LRFN2: variants seen among roughly 807,000 people sequenced by gnomAD.
The protein encoded by LRFN2 is leucine-rich repeat and fibronectin type-III domain-containing protein 2.
In LRFN2, 18 loss-of-function variants were observed where a neutral mutation model predicts 37.3. The observed-to-expected ratio is 0.48, with a 90% confidence interval of 0.33 to 0.72. The LOEUF is 0.72. Among genes scored for constraint, LRFN2 ranks in the 30% least tolerant of loss-of-function variants. LRFN2 has a pLI of 0.02. For synonymous variants in LRFN2, 556 were observed against 466.6 expected (o/e 1.19, Z -2.47); for missense variants, 1,006 against 1,060.7 (o/e 0.95, Z 0.72).
intron 2 of LRFN2, among the ~76,000 whole-genome samples, chr6:40,406,760 G>A (rs533845744): frequency 1.2e-4 from 19 of 152,318 alleles, no homozygotes; most frequent in Admixed American, 1.1e-3. Context: ...TGGACATGTT[G>A]TTGCTTCCCA....
At chr6:40,481,265 A>G (rs1764821591) in intron 1 of LRFN2, among the ~76,000 whole-genome samples, 1 of 152,104 alleles carries the variant, frequency 6.6e-6, no homozygotes, top group South Asian at 2.1e-4. Flanking sequence ...GTAAAACTCC[A>G]TCTCTACAAA....
intron 1 of LRFN2, among the ~76,000 whole-genome samples, chr6:40,577,729 C>T (rs1032379579): frequency 2.8e-5 from 4 of 142,944 alleles, no homozygotes; most frequent in Non-Finnish European, 4.5e-5. Context: ...TGATGATTTC[C>T]AATTTCAACA....
intron 2 of LRFN2, among the ~76,000 whole-genome samples, chr6:40,429,061 C>A (rs961696525): frequency 6.6e-6 from 1 of 152,186 alleles, no homozygotes; most frequent in Admixed American, 6.5e-5. Context: ...TGGAGGATTT[C>A]CACACTGTAT....
In LRFN2 at chr6:40,392,005, C is replaced by T. The variant is rs3734559; in HGVS notation, c.2308G>A (p.Asp770Asn). The change falls in exon 3 of 3, where the codon GAC becomes AAC. Residue 770 changes from aspartate (D) to asparagine (N), a missense_variant. Physicochemically the swap from Asp to Asn is conservative, Grantham distance 23 (BLOSUM62 1). This residue lies in a region of LRFN2 where 398 missense variants were observed against 327.6 expected (regional missense o/e 1.21). Transcript: ENST00000338305. This position sits in a 1 kb window ranked among gnomAD's most constrained non-coding sequence, Gnocchi z 4.7. ...AAAGTCCCCCGGGCCCCCACCAGGT[C>T]ACTCTCCTCAAAGGGCAAGAGCATG... is the stretch of plus-strand genomic sequence containing the variant. ...NGMLLPFEES[D>N]LVGARGTFGS... 9.8e-4 allele frequency: 1,577 copies of T among 1,610,268 alleles called. 31 individuals are homozygous for T. The East Asian group carries it at 0.023, about 24-fold the overall frequency.
At chr6:40,466,186 C>A (rs1374517980) in intron 1 of LRFN2, among the ~76,000 whole-genome samples, 6 of 152,156 alleles carry the variant, frequency 3.9e-5, no homozygotes, top group African/African-American at 1.4e-4. Flanking sequence ...TTTGCAGGTC[C>A]ATTCCCACCT....
intron 1 of LRFN2, among the ~76,000 whole-genome samples, chr6:40,464,923 A>G (rs1042302161): frequency 1.3e-5 from 2 of 152,182 alleles, no homozygotes; most frequent in Non-Finnish European, 2.9e-5. Context: ...CCACATCTTC[A>G]TCCCTAGAGC....
intron 1 of LRFN2, among the ~76,000 whole-genome samples, chr6:40,585,035 G>A (rs766453076): frequency 1.2e-4 from 18 of 151,998 alleles, no homozygotes; most frequent in Non-Finnish European, 2.2e-4. Context: ...AGCTTCTCAC[G>A]TTTCTGGGCC....
chr6:40,497,799 T>G (rs548860713), intron 1 of LRFN2, among the ~76,000 whole-genome samples: 108 of 152,230 alleles, frequency 7.1e-4, no homozygotes, highest in African/African-American at 2.4e-3. Flanking sequence ...AGAGAGGGCC[T>G]TGGGCTCCCC....
At chr6:40,537,019 G>A (rs1766461173) in intron 1 of LRFN2, among the ~76,000 whole-genome samples, 2 of 152,238 alleles carry the variant, frequency 1.3e-5, no homozygotes, top group South Asian at 4.1e-4. Context: ...TAAGGAAACT[G>A]AGGCACGGAG....
rs375506347 is a variant in LRFN2 at position 40,544,310 on chromosome 6, T to G, written c.-19+42631A>C. The stretch of plus-strand genomic sequence containing the variant: ...GAAAGTCCCACCTGACGCTAAGTTA[T>G]TGAGGCCTGTTGTTGGTTTTTAAAA... On this transcript the variant is annotated intron_variant, in intron 1 of 2. Transcript: ENST00000338305. Among the ~76,000 whole-genome samples the G allele has an allele frequency of 4.6e-3, 694 of 152,300 alleles. 2 individuals carry two copies. Among genetic ancestry groups the G allele is most frequent in the African/African-American group, 0.016 (659 of 41,576 alleles).
chr6:40,459,792 CT>C (rs1396723228), intron 1 of LRFN2, among the ~76,000 whole-genome samples: 1 of 152,166 alleles, frequency 6.6e-6, no homozygotes, highest in Non-Finnish European at 1.5e-5. Flanking sequence ...GAGGGAGGAC[CT>C]TTTAATGAGA....
At chr6:40,460,099 T>C (rs915981512) in intron 1 of LRFN2, among the ~76,000 whole-genome samples, 1 of 152,134 alleles carries the variant, frequency 6.6e-6, no homozygotes, top group Non-Finnish European at 1.5e-5. Context: ...CCAGGAGCGG[T>C]TGGAAGTTCA....
At chr6:40,515,456 G>A (rs1369997513) in intron 1 of LRFN2, among the ~76,000 whole-genome samples, 1 of 152,162 alleles carries the variant, frequency 6.6e-6, no homozygotes, top group Non-Finnish European at 1.5e-5. Context: ...AGATCCCTTT[G>A]CCCTTTCCAT....
At chr6:40,563,637 C>T (rs1767040306) in intron 1 of LRFN2, among the ~76,000 whole-genome samples, 1 of 152,202 alleles carries the variant, frequency 6.6e-6, no homozygotes, top group Admixed American at 6.5e-5. Context: ...TCCCCCTCAA[C>T]ACTGAGGGCC....
chr6:40,531,413 G>A (rs563402381), intron 1 of LRFN2, among the ~76,000 whole-genome samples: 10 of 152,242 alleles, frequency 6.6e-5, no homozygotes, highest in African/African-American at 1.9e-4. Context: ...CACTCTGAAC[G>A]CCCAGGAACA....
intron 1 of LRFN2, among the ~76,000 whole-genome samples, chr6:40,467,496 T>A (rs1764497344): frequency 6.6e-6 from 1 of 151,998 alleles, no homozygotes; most frequent in African/African-American, 2.4e-5. Context: ...GGCACAGACA[T>A]GGAGACAGTG....
At chr6:40,520,698 C>T (rs1299387112) in intron 1 of LRFN2, among the ~76,000 whole-genome samples, 1 of 152,012 alleles carries the variant, frequency 6.6e-6, no homozygotes, top group African/African-American at 2.4e-5. Context: ...CCTCTGGAGG[C>T]TGGTGCAGGC....
rs764219025 is a variant in LRFN2, at chr6:40,392,382, G to A, written c.1931C>T (p.Pro644Leu). Residue 644 changes from proline to leucine, a missense_variant, in exon 3 of 3, where the codon CCC becomes CTC. Pro to Leu is a moderately conservative substitution (Grantham distance 98). Around this residue, in one of 4 missense-constraint regions of LRFN2, gnomAD observed 398 missense variants for 327.6 expected, o/e 1.21. Transcript: ENST00000338305. This position sits in a 1 kb window ranked among gnomAD's most constrained non-coding sequence, Gnocchi z 4.7. ...GLGRAPWRIP[P>L]SAPRPKPSLD... ...GCTGGGCTTGGGGCGCGGGGCGGAGGGTGGGATCCTCCAGGGGGCCCGTCC... is the reference window on the plus strand; with the variant it reads ...GCTGGGCTTGGGGCGCGGGGCGGAGAGTGGGATCCTCCAGGGGGCCCGTCC... 3.1e-6 allele frequency: 5 copies of A among 1,590,540 alleles called. No homozygotes were observed. The highest frequency in any genetic ancestry group is 1.8e-5 in the Admixed American group (1 of 57,094).
chr6:40,399,426 CTTTTTTTTTTTCTTTTT>C (rs1301914597), intron 2 of LRFN2, among the ~76,000 whole-genome samples: 4,248 of 134,388 alleles, frequency 0.032, 217 homozygotes, highest in African/African-American at 0.11. Flanking sequence ...TTTTTCTTTT[CTTTTTTTTTTTCTTTTT>C]TTTTTTTTTT....
Sources: allele counts gnomAD v4.1 joint callset (sites outside exome capture counted in the v4.1 genomes callset), GRCh38; gene constraint gnomAD v4.1.1; regional missense constraint gnomAD v4.1.1; non-coding constraint Gnocchi (gnomAD v3.1); transcripts MANE v1.5; gene names NCBI Gene and HGNC (gene_info 2026-07-23, HGNC 2026-07-21).